The following OARD1 variants were observed in gnomAD, a reference collection of about 807,000 sequenced individuals.
OARD1 encodes O-acyl-ADP-ribose deacylase 1, also known as ADP-ribose glycohydrolase OARD1.
A neutral mutation model predicts 19.7 loss-of-function variants in OARD1; 19 were observed. That is an observed-to-expected ratio of 0.96 (90% CI 0.67 to 1.41). The LOEUF is 1.41. OARD1 is among the 40% of genes most tolerant of loss of function. OARD1 has a pLI of 0.00. For synonymous variants in OARD1, 70 were observed against 61.8 expected (o/e 1.13, Z -0.62); for missense variants, 190 against 183.8 (o/e 1.03, Z -0.20).
intron 5 of OARD1, 93 bp from the exon 6 acceptor site, chr6:41,067,530 CA>C (rs769634633): frequency 4.8e-6 from 4 of 838,332 alleles, no homozygotes; most frequent in Non-Finnish European, 5.8e-6. Flanking sequence ...AGCATAAAAA[CA>C]AATAATCTAG....
At chr6:41,079,539 A>G (rs1196421743) in intron 1 of OARD1, among the ~76,000 whole-genome samples, 10 of 152,198 alleles carry the variant, frequency 6.6e-5, no homozygotes, top group Admixed American at 6.5e-4. Context: ...CTTCCAATAA[A>G]TCTTCTGTTT....
At chr6:41,081,271 C>T (rs1466579961) in intron 1 of OARD1, among the ~76,000 whole-genome samples, 2 of 152,096 alleles carry the variant, frequency 1.3e-5, no homozygotes, top group Admixed American at 6.6e-5. Flanking sequence ...AGGCGGATCA[C>T]GAGGTCAGGA....
At position 41,066,571 on chromosome 6, in the gene OARD1, C is replaced by A. The variant is rs1007227593; in HGVS notation, c.*764G>T. The A allele has an allele frequency of 6.6e-6, 1 of 152,186 alleles. No individual in the cohort carries two copies. Among genetic ancestry groups the A allele is most frequent in the Non-Finnish European group, 1.5e-5 (1 of 68,036 alleles). 9.4% of individuals were successfully genotyped at this position (152,186 alleles called of 1,614,324 possible). ...ACTTGTTTTCATGATTAAATTCAGG[C>A]AGGTTCAATCACAGAAACCATGCAG... On this transcript the variant is annotated 3_prime_UTR_variant, in exon 6 of 6. Transcript: ENST00000424266.
intron 4 of OARD1, 149 bp downstream of exon 4, chr6:41,069,927 G>C: frequency 1.4e-6 from 1 of 721,300 alleles, no homozygotes; most frequent in East Asian, 2.6e-5. Context: ...GACTGGAGTT[G>C]TCATAAGATA....
intron 1 of OARD1, among the ~76,000 whole-genome samples, chr6:41,084,960 C>CA (rs575394348): frequency 0.011 from 1,571 of 148,622 alleles, 8 homozygotes; most frequent in Non-Finnish European, 0.016. Flanking sequence ...GATTCTGTCT[C>CA]AAAAAAAAAG....
rs1017688279 is a variant in OARD1 at position 41,070,976 on chromosome 6, G to C, written c.184+156C>G. ...TTCACAGGAGTTGGGTTTTGATATGGTAAACGTCTAAACTAGAGGCCATTC... is the reference window on the plus strand; with the variant it reads ...TTCACAGGAGTTGGGTTTTGATATGCTAAACGTCTAAACTAGAGGCCATTC... On this transcript the variant is annotated intron_variant, in intron 3 of 5. Transcript: ENST00000424266. The C allele has an allele frequency of 2.7e-5, 20 of 738,124 alleles. No homozygotes were observed. In the South Asian group the frequency reaches 3.0e-4, roughly 11 times the overall value. 45.7% of individuals were successfully genotyped at this position (738,124 alleles called of 1,614,324 possible). A position where few individuals can be genotyped will look rare whatever the true frequency, so the allele number is the denominator to read the frequency against.
At chr6:41,093,086 G>A in intron 1 of OARD1, 2 of 1,613,704 alleles carry the variant, frequency 1.2e-6, no homozygotes, top group Non-Finnish European at 1.7e-6. Flanking sequence ...GGAGAGAAGG[G>A]TATGTATAAC....
At chr6:41,073,343 C>T (rs867709356), upstream of OARD1, among the ~76,000 whole-genome samples, 1 of 151,874 alleles carries the variant, frequency 6.6e-6, no homozygotes, top group Non-Finnish European at 1.5e-5. Flanking sequence ...CCGACCCTCG[C>T]AGGGTGCCAG....
chr6:41,078,303 AGT>A (rs1480491176), intron 1 of OARD1, among the ~76,000 whole-genome samples: 1 of 152,160 alleles, frequency 6.6e-6, no homozygotes, highest in Non-Finnish European at 1.5e-5. Context: ...ATTTATGGAG[AGT>A]GGTACTGTAC....
intron 1 of OARD1, chr6:41,097,565 G>A: frequency 1.4e-6 from 1 of 695,558 alleles, no homozygotes; most frequent in Non-Finnish European, 2.4e-6. Context: ...TATTACAATT[G>A]CAGCGATGCC....
intron 1 of OARD1, chr6:41,090,157 A>T: frequency 8.1e-7 from 1 of 1,237,980 alleles, no homozygotes; most frequent in Non-Finnish European, 1.2e-6. Context: ...GTTCTTTGTT[A>T]GTATCTTTGG....
chr6:41,075,935 ATAAT>A (rs1198875152), upstream of OARD1, among the ~76,000 whole-genome samples: 2 of 152,186 alleles, frequency 1.3e-5, no homozygotes, highest in African/African-American at 2.4e-5. Context: ...CACATGGTAC[ATAAT>A]TAGTGGAGAG....
intron 1 of OARD1, among the ~76,000 whole-genome samples, chr6:41,086,408 G>T (rs922865293): frequency 6.6e-6 from 1 of 152,062 alleles, no homozygotes; most frequent in Non-Finnish European, 1.5e-5. Flanking sequence ...TCCAAGTAGG[G>T]CTATAACTAA....
intron 1 of OARD1, among the ~76,000 whole-genome samples, chr6:41,087,572 G>T (rs540396218): frequency 3.9e-4 from 59 of 152,266 alleles, no homozygotes; most frequent in African/African-American, 1.3e-3. Flanking sequence ...GTTTGTTGAT[G>T]GAATTAATGG....
At chr6:41,076,671 G>GTT (rs1232531813), upstream of OARD1, among the ~76,000 whole-genome samples, 1 of 152,184 alleles carries the variant, frequency 6.6e-6, no homozygotes, top group African/African-American at 2.4e-5. Context: ...CTTATTATTT[G>GTT]TTTCTCTCTC....
upstream of OARD1, among the ~76,000 whole-genome samples, chr6:41,076,062 T>C (rs1763725167): frequency 6.6e-6 from 1 of 152,122 alleles, no homozygotes; most frequent in African/African-American, 2.4e-5. Context: ...ACTTGTTGAG[T>C]TGTGAAAGAA....
intron 1 of OARD1, chr6:41,084,045 G>A (rs1763979006): frequency 1.3e-6 from 2 of 1,588,298 alleles, no homozygotes; most frequent in Non-Finnish European, 1.7e-6. Context: ...TTTCATTCTA[G>A]GTCCAAGGGC....
At position 41,087,123 on chromosome 6, in the gene OARD1, A is replaced by G. The variant is rs570237405; in HGVS notation, c.-42+10590T>C. Among the ~76,000 whole-genome samples, 289 of 152,354 alleles carry G rather than the reference A, an allele frequency of 1.9e-3. 1 individual carries two copies. Among genetic ancestry groups the G allele is most frequent in the Admixed American group, 0.015 (234 of 15,310 alleles). On this transcript the variant is annotated intron_variant, in intron 1 of 4. Transcript: ENST00000480585. Reference sequence around the variant, plus strand: ...ACAAAAATAGGAAAATGGGCGAAGAATATGAATAGATGGAAGAGGAAATCC... The same window carrying G: ...ACAAAAATAGGAAAATGGGCGAAGAGTATGAATAGATGGAAGAGGAAATCC...
chr6:41,084,039 A>T (rs1763978848), intron 1 of OARD1: 1 of 1,586,848 alleles, frequency 6.3e-7, no homozygotes, highest in Non-Finnish European at 8.6e-7. Flanking sequence ...ATTTTATTTC[A>T]TTCTAGGTCC....
Sources: allele counts gnomAD v4.1 joint callset (sites outside exome capture counted in the v4.1 genomes callset), GRCh38; gene constraint gnomAD v4.1.1; transcripts MANE v1.5; gene names NCBI Gene and HGNC (gene_info 2026-07-23, HGNC 2026-07-21).